The following NOL4L variants were observed in gnomAD, a reference collection of about 807,000 sequenced individuals.
The protein encoded by NOL4L is nucleolar protein 4 like, also known as nucleolar protein 4-like.
NOL4L carries 7 observed loss-of-function variants against 64.5 expected under a neutral mutation model. That is an observed-to-expected ratio of 0.11 (90% CI 0.06 to 0.20). The LOEUF is 0.20. Among genes scored for constraint, NOL4L ranks in the 10% least tolerant of loss-of-function variants. The pLI is 1.00. For missense variants in NOL4L, 680 were observed against 967.1 expected, an observed-to-expected ratio of 0.70 and a Z score of 3.94; for synonymous variants, 413 against 401.0, an observed-to-expected ratio of 1.03 and a Z score of -0.36.
chr20:32,456,059 TCTCGC>T, intron 6 of NOL4L, 54 bp downstream of exon 6: 1 of 1,440,702 alleles, frequency 6.9e-7, no homozygotes, highest in South Asian at 1.5e-5. Context: ...ACAATTTCAT[TCTCGC>T]CTCGCGACAG....
chr20:32,520,864 C>G lies in NOL4L; in HGVS notation c.536G>C (p.Cys179Ser). The change falls in exon 3 of 11, where the codon TGT (cysteine) becomes TCT (serine). Residue 179 changes from cysteine (C) to serine (S), a missense_variant. This residue lies in a region of NOL4L where 181 missense variants were observed against 335.2 expected (regional missense o/e 0.54). Transcript: ENST00000621426. ...GTGCATCCTCTTCTGACACTCCGTA[C>G]AGCTCATCAGGAACCGGGTCACGGC... ...REAVTRFLMS[C>S]TECQKRMHFN... The G allele has an allele frequency of 6.4e-7, 1 of 1,550,752 alleles. No homozygotes were observed. The highest frequency in any genetic ancestry group is 8.7e-7 in the Non-Finnish European group (1 of 1,147,002).
Position 32,453,660 on chromosome 20 carries a change from G to A in NOL4L, c.1221C>T (p.Asp407=), listed in dbSNP as rs779636047. ...TVGRAPTADD[D]DDDHDDHEDN... Reference sequence around the variant, plus strand: ...CCTCATGGTCATCGTGGTCATCGTCGTCATCATCTGCCGTCGGGGCCCGGC... The same window carrying A: ...CCTCATGGTCATCGTGGTCATCGTCATCATCATCTGCCGTCGGGGCCCGGC... The change falls in exon 7 of 11, where the codon GAC becomes GAT. Residue 407 remains aspartate (D), a synonymous_variant. Coordinates refer to ENST00000621426, the MANE Select transcript of NOL4L (RefSeq NM_001256798.2). This position sits in a 1 kb window ranked among gnomAD's most constrained non-coding sequence, Gnocchi z 5.6. The A allele has an allele frequency of 8.8e-6, 14 of 1,592,562 alleles. No individual in the cohort carries two copies. The highest frequency in any genetic ancestry group is 4.6e-5 in the East Asian group (2 of 43,482).
Position 32,562,932 on chromosome 20 carries a change from G to C in NOL4L, c.321+21638C>G, listed in dbSNP as rs1600877661. 5.7e-5 allele frequency among the ~76,000 whole-genome samples: 2 copies of C among 34,790 alleles called. 1 individual carries two copies. Among genetic ancestry groups the C allele is most frequent in the Middle Eastern group, 0.021 (2 of 94 alleles). The allele number at this position is 34,790 out of a possible 152,430, so 22.8% of individuals were successfully genotyped here. A position where few individuals can be genotyped will look rare whatever the true frequency, so the allele number is the denominator to read the frequency against. On this transcript the variant is annotated intron_variant, in intron 1 of 10. Transcript: ENST00000621426. Reference sequence around the variant, plus strand: ...GAGAGTAGAGGGGAGAGAGAGTGGAGAAGGAGGGTGGAGGGGAGGGAGGGT... The same window carrying C: ...GAGAGTAGAGGGGAGAGAGAGTGGACAAGGAGGGTGGAGGGGAGGGAGGGT...
intron 4 of NOL4L, among the ~76,000 whole-genome samples, chr20:32,494,252 G>GAAAAAAAAAAAAAAAAAAAAAAAAAAA (rs1568654908): frequency 3.7e-5 from 1 of 27,098 alleles, no homozygotes; most frequent in African/African-American, 1.5e-4. Context: ...GATAATCTCG[G>GAAAAAAAAAAAAAAAAAAAAAAAAAAA]GAAAAAAAAA....
intron 3 of NOL4L, among the ~76,000 whole-genome samples, chr20:32,518,153 T>C (rs1301939601): frequency 6.6e-6 from 1 of 152,106 alleles, no homozygotes; most frequent in East Asian, 1.9e-4. Flanking sequence ...CGTCTTCTCC[T>C]CTCCCTGCGA....
intron 5 of NOL4L, among the ~76,000 whole-genome samples, chr20:32,472,220 G>A (rs1209564178): frequency 2.6e-5 from 4 of 152,198 alleles, no homozygotes; most frequent in African/African-American, 7.2e-5. Context: ...TTGTTCATTC[G>A]GGGATAACAG....
At chr20:32,448,725 C>A (rs188027654) in intron 10 of NOL4L, among the ~76,000 whole-genome samples, 1 of 152,200 alleles carries the variant, frequency 6.6e-6, no homozygotes, top group Non-Finnish European at 1.5e-5. Context: ...AAAGAGGGAG[C>A]CTGCCATCTT....
intron 1 of NOL4L, among the ~76,000 whole-genome samples, chr20:32,539,228 T>C (rs971065386): frequency 2.6e-5 from 4 of 152,186 alleles, no homozygotes; most frequent in Non-Finnish European, 4.4e-5. Flanking sequence ...TCTGCAGCCA[T>C]CCTGCCTAGG....
At position 32,453,758 on chromosome 20, in the gene NOL4L, G is replaced by T; in HGVS notation, c.1123C>A (p.Pro375Thr). The T allele has an allele frequency of 6.4e-7, 1 of 1,552,678 alleles. No individual in the cohort carries two copies. The change falls in exon 7 of 11, where the codon CCC becomes ACC. Residue 375 changes from proline (P) to threonine (T), a missense_variant. Physicochemically the swap from Pro to Thr is conservative, Grantham distance 38. Around this residue, in one of 4 missense-constraint regions of NOL4L, gnomAD observed 254 missense variants for 238.7 expected, o/e 1.06. Coordinates refer to ENST00000621426, the MANE Select transcript of NOL4L (RefSeq NM_001256798.2). The surrounding 1 kb of genome is among the most constrained non-coding windows in gnomAD (Gnocchi z 5.6). ...TCGTAGCTCCCAGAGCTGTAGGGGG[G>T]GGACTAAAAGGAGGGCAAGAGGCAG... ...KYGVKTTPES[P>T]PYSSGSYDSI...
chr20:32,470,088 A>G (rs1440826102), intron 5 of NOL4L, among the ~76,000 whole-genome samples: 2 of 152,174 alleles, frequency 1.3e-5, no homozygotes, highest in African/African-American at 2.4e-5. Flanking sequence ...CCGACTGCCC[A>G]CCCTGCAGAA....
At chr20:32,494,584 GT>G (rs1168090660) in intron 4 of NOL4L, among the ~76,000 whole-genome samples, 1 of 152,188 alleles carries the variant, frequency 6.6e-6, no homozygotes, top group Non-Finnish European at 1.5e-5. Flanking sequence ...CTGTGAACCA[GT>G]TTTCTTGATA....
intron 2 of NOL4L, among the ~76,000 whole-genome samples, chr20:32,522,449 T>A (rs2017979630): frequency 6.6e-6 from 1 of 152,132 alleles, no homozygotes; most frequent in Non-Finnish European, 1.5e-5. Flanking sequence ...AGGTGTCAGG[T>A]CCGAGGGATG....
rs909048651 is a variant in NOL4L, at chr20:32,504,664, G to A, written c.699+6683C>T. Among the ~76,000 whole-genome samples the A allele has an allele frequency of 2.6e-5, 4 of 151,672 alleles. No homozygotes were observed. In the East Asian group the frequency reaches 7.8e-4, roughly 30 times the overall value. On this transcript the variant is annotated intron_variant, in intron 4 of 10. Transcript: ENST00000621426. ...TCTGTCGCCAGGCTGGAGTGAAGTG[G>A]CATGATCTCTGCTCACTGCAACCTC...
intron 1 of NOL4L, among the ~76,000 whole-genome samples, chr20:32,544,923 C>T (rs974776552): frequency 6.6e-6 from 1 of 152,152 alleles, no homozygotes; most frequent in Non-Finnish European, 1.5e-5. Flanking sequence ...TTTTACAGAT[C>T]AGGAAACTGA....
chr20:32,576,911 G>A (rs1980149362), intron 1 of NOL4L, among the ~76,000 whole-genome samples: 1 of 152,176 alleles, frequency 6.6e-6, no homozygotes, highest in South Asian at 2.1e-4. Context: ...GGCACCATGA[G>A]CCAGGGGTGG....
Position 32,534,881 on chromosome 20 carries a change from C to CAA in NOL4L, c.322-6970_322-6969dup, listed in dbSNP as rs57677677. Among the ~76,000 whole-genome samples, 506 of 67,866 alleles carry CAA rather than the reference C, an allele frequency of 7.5e-3. 6 individuals are homozygous for CAA. The highest frequency in any genetic ancestry group is 0.021 in the African/African-American group (481 of 22,546). The allele number at this position is 67,866 out of a possible 152,430, so 44.5% of individuals were successfully genotyped here. A position where few individuals can be genotyped will look rare whatever the true frequency, so the allele number is the denominator to read the frequency against. Reference sequence around the variant, plus strand: ...TGGGTGACACAGTGAGACCCCATCTCAAAAAAAAAAAAAAAAAAGTCAGCC... The same window carrying CAA: ...TGGGTGACACAGTGAGACCCCATCTCAAAAAAAAAAAAAAAAAAAAGTCAGCC... On this transcript the variant is annotated intron_variant, in intron 1 of 10. Transcript: ENST00000621426.
intron 1 of NOL4L, among the ~76,000 whole-genome samples, chr20:32,577,699 G>C (rs2145625213): frequency 2.0e-5 from 3 of 152,256 alleles, no homozygotes; most frequent in Middle Eastern, 3.4e-3. Flanking sequence ...AAAAGAAAAA[G>C]CCTTCTCTGT....
chr20:32,519,842 T>C (rs1337080729), intron 3 of NOL4L: 2 of 152,260 alleles, frequency 1.3e-5, no homozygotes, highest in East Asian at 3.9e-4. Context: ...GGGGTCTAAC[T>C]CTGTCACCCA....
rs1012930070 is a variant in NOL4L at position 32,573,140 on chromosome 20, G to A, written c.321+11430C>T. 7.2e-5 allele frequency among the ~76,000 whole-genome samples: 11 copies of A among 151,924 alleles called. No homozygotes were observed. In the East Asian group the frequency reaches 1.9e-3, roughly 27 times the overall value. On this transcript the variant is annotated intron_variant, in intron 1 of 10. Transcript: ENST00000621426. ...TGCAGCCTTAACCTCCCAGGCTCAAGTGTAGCTGGGACCACAGGCATGGCG... is the reference window on the plus strand; with the variant it reads ...TGCAGCCTTAACCTCCCAGGCTCAAATGTAGCTGGGACCACAGGCATGGCG...
Sources: allele counts gnomAD v4.1 joint callset (sites outside exome capture counted in the v4.1 genomes callset), GRCh38; gene constraint gnomAD v4.1.1; regional missense constraint gnomAD v4.1.1; non-coding constraint Gnocchi (gnomAD v3.1); transcripts MANE v1.5; gene names NCBI Gene and HGNC (gene_info 2026-07-23, HGNC 2026-07-21).